TENM2: variants seen among roughly 807,000 people sequenced by gnomAD.
TENM2 encodes the protein teneurin-2.
In TENM2, 52 loss-of-function variants were observed where a neutral mutation model predicts 245.2. That is an observed-to-expected ratio of 0.21 (90% CI 0.17 to 0.27). The LOEUF is 0.27. Among genes scored for constraint, TENM2 ranks in the 10% least tolerant of loss-of-function variants. TENM2 has a pLI of 1.00. For synonymous variants in TENM2, 1,363 were observed against 1,438.9 expected, an observed-to-expected ratio of 0.95 and a Z score of 1.19; for missense variants, 3,046 against 3,666.8, an observed-to-expected ratio of 0.83 and a Z score of 4.37.
intron 12 of TENM2, among the ~76,000 whole-genome samples, chr5:168,135,005 C>T (rs1427922137): frequency 6.6e-6 from 1 of 152,236 alleles, no homozygotes; most frequent in Non-Finnish European, 1.5e-5. Flanking sequence ...CTCTCCTTTT[C>T]TTACTTCTTT....
rs55977607 is a variant in TENM2 at position 168,155,892 on chromosome 5, T to TAA, written c.2423-6688_2423-6687dup. On this transcript the variant is annotated intron_variant, in intron 12 of 28. Transcript: ENST00000518659. ...TTCCATTTAATACCTCTGGCATCTG[T>TAA]AAAAAAAAAAAAAAAAAAAAAAAAA... 3.4e-3 allele frequency among the ~76,000 whole-genome samples: 332 copies of TAA among 96,896 alleles called. 2 individuals are homozygous for TAA. The highest frequency in any genetic ancestry group is 0.014 in the Middle Eastern group (2 of 144). 63.6% of individuals were successfully genotyped at this position (96,896 alleles called of 152,430 possible).
intron 2 of TENM2, among the ~76,000 whole-genome samples, chr5:167,471,602 A>G (rs1767032955): frequency 6.6e-6 from 1 of 152,352 alleles, no homozygotes; most frequent in East Asian, 1.9e-4. Flanking sequence ...TATTATTTCA[A>G]GATAGTTGTC....
intron 4 of TENM2, among the ~76,000 whole-genome samples, chr5:167,960,168 G>A (rs747921213): frequency 1.2e-4 from 19 of 152,348 alleles, no homozygotes; most frequent in Non-Finnish European, 2.2e-4. Flanking sequence ...GGAGGCACGG[G>A]GGTTAGGGAC....
At chr5:167,844,392 C>G (rs1282725018) in intron 2 of TENM2, among the ~76,000 whole-genome samples, 1 of 152,212 alleles carries the variant, frequency 6.6e-6, no homozygotes, top group East Asian at 1.9e-4. Flanking sequence ...AATTGGCCAA[C>G]AGGGCCCATC....
intron 2 of TENM2, among the ~76,000 whole-genome samples, chr5:167,845,161 C>T (rs1241599986): frequency 2.0e-5 from 3 of 151,870 alleles, no homozygotes; most frequent in African/African-American, 4.8e-5. Context: ...TTGTCACAGA[C>T]GTTTTTGTTT....
At chr5:167,422,536 C>T (rs1763572582) in intron 2 of TENM2, among the ~76,000 whole-genome samples, 4 of 152,184 alleles carry the variant, frequency 2.6e-5, no homozygotes, top group Non-Finnish European at 4.4e-5. Context: ...ATCAGGCAGC[C>T]TCTCTGTCCA....
chr5:167,234,676 G>T, the TENM2 span, among the ~76,000 whole-genome samples: 2 of 152,116 alleles, frequency 1.3e-5, no homozygotes, highest in Non-Finnish European at 2.9e-5. Flanking sequence ...GGCACAAGCA[G>T]GTCTCTGATA....
chr5:167,620,167 G>C (rs991100832), intron 2 of TENM2, among the ~76,000 whole-genome samples: 5 of 152,104 alleles, frequency 3.3e-5, no homozygotes, highest in African/African-American at 1.2e-4. Context: ...GTCTAATTCA[G>C]ACCTGCCCTT....
exon 1 of TENM2, chr5:167,284,863 G>A (rs1386137855): frequency 1.1e-5 from 17 of 1,551,474 alleles, no homozygotes; most frequent in East Asian, 2.4e-5. Context: ...CGGCGACACC[G>A]CTCTTTGACC....
At chr5:167,491,654 T>C (rs2127543175) in intron 2 of TENM2, among the ~76,000 whole-genome samples, 1 of 152,292 alleles carries the variant, frequency 6.6e-6, no homozygotes, top group Admixed American at 6.5e-5. Flanking sequence ...GGTCTTTCTT[T>C]TGTTTTGCTA....
intron 3 of TENM2, among the ~76,000 whole-genome samples, chr5:167,901,782 G>C (rs1775724811): frequency 6.6e-6 from 1 of 151,996 alleles, no homozygotes; most frequent in Non-Finnish European, 1.5e-5. Flanking sequence ...CTTTTGACAG[G>C]CATTTTTGTT....
chr5:168,052,231 C>T (rs1450134454), intron 6 of TENM2, among the ~76,000 whole-genome samples: 1 of 150,756 alleles, frequency 6.6e-6, no homozygotes, highest in African/African-American at 2.4e-5. Flanking sequence ...ACTAAAAATA[C>T]AAAAAAAAAG....
At chr5:167,068,601 C>T in the TENM2 span, among the ~76,000 whole-genome samples, 2 of 152,128 alleles carry the variant, frequency 1.3e-5, no homozygotes, top group Admixed American at 1.3e-4. Context: ...CAGTGCATGT[C>T]ATTGCAGAAT....
chr5:167,234,538 G>A, the TENM2 span, among the ~76,000 whole-genome samples: 1 of 152,158 alleles, frequency 6.6e-6, no homozygotes, highest in South Asian at 2.1e-4. Flanking sequence ...CCATTTCTTA[G>A]AAGCCAGGCT....
intron 2 of TENM2, chr5:167,574,101 G>T (rs758841387): frequency 1.3e-5 from 2 of 152,094 alleles, no homozygotes; most frequent in Non-Finnish European, 2.9e-5. Context: ...ATTGAGAAAG[G>T]CATCCGCAGC....
the TENM2 span, among the ~76,000 whole-genome samples, chr5:166,998,951 T>G: frequency 6.6e-6 from 1 of 151,698 alleles, no homozygotes; most frequent in Non-Finnish European, 1.5e-5. Context: ...TTGGCCATGT[T>G]GAAGTTAGTT....
the TENM2 span, among the ~76,000 whole-genome samples, chr5:167,194,456 A>T: frequency 1.2e-4 from 19 of 152,142 alleles, no homozygotes; most frequent in African/African-American, 4.6e-4. Flanking sequence ...TCTAATGCGA[A>T]ATTAACCTAT....
chr5:168,184,055 C>T (rs905646272), intron 13 of TENM2, among the ~76,000 whole-genome samples: 3 of 152,206 alleles, frequency 2.0e-5, no homozygotes, highest in East Asian at 1.9e-4. Flanking sequence ...AGAAAGTTTC[C>T]CTGTGCCCTC....
chr5:167,827,089 A>C (rs142378892), intron 2 of TENM2, among the ~76,000 whole-genome samples: 2 of 152,312 alleles, frequency 1.3e-5, no homozygotes, highest in Non-Finnish European at 2.9e-5. Context: ...TCCCCTAAGT[A>C]GTCTTCAGTT....
Sources: gnomAD v4.1 joint callset for allele counts (sites outside exome capture counted in the v4.1 genomes callset) on GRCh38, gnomAD v4.1.1 for gene constraint, MANE v1.5 for transcripts, NCBI Gene and HGNC (gene_info 2026-07-23, HGNC 2026-07-21) for gene names.